Variants in CPNE8 observed in about 807,000 individuals in gnomAD.
CPNE8 encodes the protein copine 8.
Under a neutral mutation model 81.5 loss-of-function variants are expected in CPNE8, and 45 were observed. That is an observed-to-expected ratio of 0.55 (90% CI 0.44 to 0.71). The LOEUF is 0.71. CPNE8 is among the 30% of genes least tolerant of loss of function. CPNE8 has a pLI of 0.00. For missense variants in CPNE8, 594 were observed against 672.1 expected, an observed-to-expected ratio of 0.88 and a Z score of 1.28; for synonymous variants, 252 against 226.3, an observed-to-expected ratio of 1.11 and a Z score of -1.02.
intron 14 of CPNE8, among the ~76,000 whole-genome samples, chr12:38,699,395 C>CA (rs1188702759): frequency 6.6e-6 from 1 of 152,160 alleles, no homozygotes; most frequent in Admixed American, 6.5e-5. Flanking sequence ...AATATTTATG[C>CA]ATTTATATTG....
chr12:38,889,410 C>T (rs1287858507), intron 1 of CPNE8, among the ~76,000 whole-genome samples: 2 of 152,082 alleles, frequency 1.3e-5, no homozygotes, highest in Non-Finnish European at 2.9e-5. Context: ...CCAGAGAGAA[C>T]CACAGTGTGA....
intron 10 of CPNE8, among the ~76,000 whole-genome samples, chr12:38,757,570 A>G (rs1941485331): frequency 6.6e-6 from 1 of 151,982 alleles, no homozygotes; most frequent in South Asian, 2.1e-4. Context: ...TTGAATTAAA[A>G]GGGTTATCAA....
At chr12:38,834,348 G>A (rs1051403435) in intron 5 of CPNE8, among the ~76,000 whole-genome samples, 16 of 151,992 alleles carry the variant, frequency 1.1e-4, no homozygotes, top group Non-Finnish European at 1.9e-4. Context: ...GCCTTACCAT[G>A]GGTCTCTCAA....
chr12:38,766,346 C>T (rs1941689371), intron 8 of CPNE8, among the ~76,000 whole-genome samples: 1 of 152,212 alleles, frequency 6.6e-6, no homozygotes, highest in Admixed American at 6.5e-5. Flanking sequence ...AATTCAGAAT[C>T]ATTCTTGAGG....
intron 6 of CPNE8, among the ~76,000 whole-genome samples, chr12:38,778,291 T>C (rs1299254980): frequency 6.6e-5 from 10 of 152,198 alleles, no homozygotes; most frequent in East Asian, 1.9e-4. Context: ...CAGCCTATGG[T>C]GGTTTCACAA....
intron 8 of CPNE8, among the ~76,000 whole-genome samples, chr12:38,763,336 AT>A (rs1258644896): frequency 6.6e-6 from 1 of 152,222 alleles, no homozygotes; most frequent in Non-Finnish European, 1.5e-5. Context: ...ATGAAAGAGG[AT>A]GCATGACAAT....
chr12:38,774,160 G>A (rs1996880), intron 7 of CPNE8, among the ~76,000 whole-genome samples: 99,570 of 151,900 alleles, frequency 0.66, 37,660 homozygotes, highest in Non-Finnish European at 0.85. Context: ...GAAAGTGGAA[G>A]ATATTTAGGA....
chr12:38,863,914 C>T (rs375045879), intron 3 of CPNE8, among the ~76,000 whole-genome samples: 4 of 152,028 alleles, frequency 2.6e-5, no homozygotes, highest in South Asian at 4.2e-4. Flanking sequence ...ATTAGCCTGG[C>T]ATGGTGGCGG....
At chr12:38,723,691 G>C (rs1357538344) in intron 13 of CPNE8, 81 bp downstream of exon 13, 1 of 827,946 alleles carries the variant, frequency 1.2e-6, no homozygotes, top group African/African-American at 1.7e-5. Flanking sequence ...TCATTTCAGT[G>C]CCAGGTACCT....
chr12:38,805,752 A>T (rs1486866842), intron 6 of CPNE8, among the ~76,000 whole-genome samples: 2 of 148,988 alleles, frequency 1.3e-5, no homozygotes, highest in Non-Finnish European at 3.0e-5. Context: ...AATAACTAAG[A>T]TCAGAGCAGA....
At chr12:38,746,835 T>C (rs1468543954) in intron 10 of CPNE8, among the ~76,000 whole-genome samples, 1 of 152,210 alleles carries the variant, frequency 6.6e-6, no homozygotes, top group African/African-American at 2.4e-5. Flanking sequence ...TAGAATCCTA[T>C]ATATAAAAAA....
At chr12:38,765,711 C>T (rs1009902245) in intron 8 of CPNE8, among the ~76,000 whole-genome samples, 4 of 152,118 alleles carry the variant, frequency 2.6e-5, no homozygotes, top group African/African-American at 9.7e-5. Context: ...AGCTGGCAAA[C>T]TAGGTTTCTG....
intron 3 of CPNE8, among the ~76,000 whole-genome samples, chr12:38,850,867 T>C (rs1943633047): frequency 6.6e-6 from 1 of 152,232 alleles, no homozygotes; most frequent in African/African-American, 2.4e-5. Context: ...CATCTGTTCC[T>C]GCTATAGTTT....
At chr12:38,798,992 G>C (rs1942582729) in intron 6 of CPNE8, among the ~76,000 whole-genome samples, 1 of 152,174 alleles carries the variant, frequency 6.6e-6, no homozygotes, top group South Asian at 2.1e-4. Flanking sequence ...TCAATAAGAA[G>C]AGCTAACTGT....
Position 38,723,798 on chromosome 12 carries a change from A to G in CPNE8, c.888T>C (p.Val296=). The change falls in exon 13 of 20, where the codon GTT becomes GTC. Residue 296 remains valine, a synonymous_variant. Coordinates refer to ENST00000331366, the MANE Select transcript of CPNE8 (RefSeq NM_153634.3). ...CTCCCTTAATGTAGTCAAGGAATGA[A>G]ACTTCTGTTTCTACCAAGAAAGAGA... is the stretch of plus-strand genomic sequence containing the variant. The part of the protein sequence containing the change: ...TLLSFLVETE[V]SFLDYIKGGT... The G allele has an allele frequency of 6.3e-7, 1 of 1,590,072 alleles. No homozygotes were observed. Among genetic ancestry groups the G allele is most frequent in the South Asian group, 1.1e-5 (1 of 90,066 alleles).
At chr12:38,692,519 A>C (rs1565569910) in intron 15 of CPNE8, among the ~76,000 whole-genome samples, 1 of 152,158 alleles carries the variant, frequency 6.6e-6, no homozygotes, top group Non-Finnish European at 1.5e-5. Context: ...TATTGAGTTC[A>C]AAAAGTTTCA....
intron 6 of CPNE8, among the ~76,000 whole-genome samples, chr12:38,776,552 C>T (rs992144984): frequency 2.0e-5 from 3 of 151,696 alleles, no homozygotes; most frequent in Non-Finnish European, 4.4e-5. Context: ...TCCAGTGATC[C>T]GCTCCCCTCG....
At chr12:38,771,298 CAAAAAA>C (rs56772312) in intron 7 of CPNE8, among the ~76,000 whole-genome samples, 2 of 131,424 alleles carry the variant, frequency 1.5e-5, no homozygotes, top group African/African-American at 2.7e-5. Context: ...ACATCTCTAT[CAAAAAA>C]AAAAAAAAAA....
intron 6 of CPNE8, among the ~76,000 whole-genome samples, chr12:38,796,178 T>C (rs1942467033): frequency 6.6e-6 from 1 of 152,046 alleles, no homozygotes; most frequent in Non-Finnish European, 1.5e-5. Flanking sequence ...TTCCAGCTAC[T>C]TGGGAGGCTA....
Sources: allele counts gnomAD v4.1 joint callset (sites outside exome capture counted in the v4.1 genomes callset), GRCh38; gene constraint gnomAD v4.1.1; transcripts MANE v1.5; gene names NCBI Gene and HGNC (gene_info 2026-07-23, HGNC 2026-07-21).